The following XKR9 variants were observed in gnomAD, a reference collection of about 807,000 sequenced individuals.
The protein encoded by XKR9 is XK related 9.
In XKR9, 32 loss-of-function variants were observed where a neutral mutation model predicts 32.0. That is an observed-to-expected ratio of 1.00 (90% CI 0.76 to 1.34). XKR9 has a LOEUF of 1.34. Ranked by LOEUF, XKR9 falls within the 40% of genes most tolerant of loss-of-function variation. The probability of loss-of-function intolerance (pLI) is 0.00; values close to 1 mark genes in which losing one functional copy is unlikely to be tolerated. For synonymous variants in XKR9, 168 were observed against 143.4 expected (o/e 1.17, Z -1.22); for missense variants, 546 against 429.7 (o/e 1.27, Z -2.39).
At chr8:70,927,871 C>T in the XKR9 span, among the ~76,000 whole-genome samples, 1 of 152,224 alleles carries the variant, frequency 6.6e-6, no homozygotes, top group Non-Finnish European at 1.5e-5. Context: ...AGGTCATTGA[C>T]GAGTAGGTGC....
At chr8:70,803,057 T>C in the XKR9 span, among the ~76,000 whole-genome samples, 1 of 152,330 alleles carries the variant, frequency 6.6e-6, no homozygotes, top group African/African-American at 2.4e-5. Context: ...TTCAAGTTGC[T>C]TGCTTTCTCT....
chr8:70,909,793 CT>C, the XKR9 span, among the ~76,000 whole-genome samples: 4 of 146,540 alleles, frequency 2.7e-5, no homozygotes, highest in African/African-American at 1.0e-4. Context: ...GCTGCCACCT[CT>C]GCCTCCTGGG....
At chr8:70,829,769 C>G in the XKR9 span, among the ~76,000 whole-genome samples, 565 of 152,220 alleles carry the variant, frequency 3.7e-3, 3 homozygotes, top group Middle Eastern at 0.038. Context: ...TCTAAAAATA[C>G]TTTACCAACT....
At chr8:70,897,836 G>A in the XKR9 span, among the ~76,000 whole-genome samples, 2 of 152,014 alleles carry the variant, frequency 1.3e-5, no homozygotes, top group South Asian at 4.1e-4. Context: ...TTCACTTTGT[G>A]GATTGTTTCC....
the XKR9 span, among the ~76,000 whole-genome samples, chr8:71,018,130 A>G: frequency 6.6e-6 from 1 of 152,344 alleles, no homozygotes; most frequent in East Asian, 1.9e-4. Flanking sequence ...ATCCAGAAGA[A>G]GTAAAGAATA....
chr8:70,806,258 C>T, the XKR9 span, among the ~76,000 whole-genome samples: 1 of 150,468 alleles, frequency 6.6e-6, no homozygotes, highest in Non-Finnish European at 1.5e-5. Context: ...GAAACCCATT[C>T]CAAAGGTCAG....
At chr8:70,704,992 C>T (rs990175725) in intron 3 of XKR9, among the ~76,000 whole-genome samples, 3 of 152,076 alleles carry the variant, frequency 2.0e-5, no homozygotes, top group African/African-American at 7.2e-5. Flanking sequence ...GGGTAGAGAC[C>T]ATGCCTTCAT....
the XKR9 span, among the ~76,000 whole-genome samples, chr8:71,032,299 A>T: frequency 7.9e-5 from 12 of 151,284 alleles, no homozygotes; most frequent in Middle Eastern, 3.4e-3. Flanking sequence ...AAAAAAAAAA[A>T]AAAAAAAAAC....
At chr8:70,857,973 A>G in the XKR9 span, among the ~76,000 whole-genome samples, 3 of 152,198 alleles carry the variant, frequency 2.0e-5, no homozygotes, top group Non-Finnish European at 4.4e-5. Flanking sequence ...TCTCAAAATA[A>G]CAAGAGCTAT....
the XKR9 span, among the ~76,000 whole-genome samples, chr8:70,921,695 T>C: frequency 1.3e-5 from 2 of 152,218 alleles, no homozygotes; most frequent in Non-Finnish European, 1.5e-5. Flanking sequence ...CAAGTTTATA[T>C]CTTATATCTT....
intron 2 of XKR9, among the ~76,000 whole-genome samples, chr8:70,741,881 A>G (rs769189336): frequency 6.6e-6 from 1 of 152,056 alleles, no homozygotes; most frequent in Non-Finnish European, 1.5e-5. Flanking sequence ...CTGTTTCCAT[A>G]ATGGCTGCAC....
chr8:71,061,662 A>G, the XKR9 span, among the ~76,000 whole-genome samples: 1 of 152,170 alleles, frequency 6.6e-6, no homozygotes, highest in African/African-American at 2.4e-5. Flanking sequence ...GAGAGAGAGA[A>G]ATGGCAGAGC....
chr8:70,912,419 T>C, the XKR9 span, among the ~76,000 whole-genome samples: 8 of 151,892 alleles, frequency 5.3e-5, no homozygotes, highest in African/African-American at 1.9e-4. Context: ...CTAGACACAA[T>C]AGGAGCATAA....
the XKR9 span, among the ~76,000 whole-genome samples, chr8:70,811,863 C>T: frequency 6.6e-6 from 1 of 151,836 alleles, no homozygotes; most frequent in Non-Finnish European, 1.5e-5. Flanking sequence ...ACCAGAGGTA[C>T]AAGGAGGAAC....
At chr8:70,771,571 A>G (rs1327730543) in intron 2 of XKR9, among the ~76,000 whole-genome samples, 1 of 152,224 alleles carries the variant, frequency 6.6e-6, no homozygotes, top group Admixed American at 6.5e-5. Flanking sequence ...GCCTGTTAAT[A>G]TACTTCAAAA....
At chr8:70,831,311 T>G in the XKR9 span, among the ~76,000 whole-genome samples, 1 of 144,238 alleles carries the variant, frequency 6.9e-6, no homozygotes, top group Non-Finnish European at 1.5e-5. Flanking sequence ...AAAAAAAAAG[T>G]ACCTAACTTC....
At chr8:71,032,100 C>T in the XKR9 span, among the ~76,000 whole-genome samples, 1 of 152,012 alleles carries the variant, frequency 6.6e-6, no homozygotes, top group Admixed American at 6.6e-5. Flanking sequence ...TCAAGACCAG[C>T]CTGGCCAATG....
In XKR9 at chr8:70,745,784, A is replaced by G. The variant is rs537138020; in HGVS notation, n.352+38631A>G. Among the ~76,000 whole-genome samples, 158 of 152,362 alleles carry G rather than the reference A, an allele frequency of 1.0e-3. 1 individual carries two copies. The highest frequency in any genetic ancestry group is 3.7e-3 in the African/African-American group (155 of 41,586). On this transcript the variant is annotated intron_variant and non_coding_transcript_variant, in intron 2 of 3. Coordinates refer to the XKR9 transcript ENST00000520273. ...GATCAACTATGTATTGCTACAAGCC[A>G]GGAGAACACCAAAGCCAAACATTAA...
the XKR9 span, among the ~76,000 whole-genome samples, chr8:70,851,196 A>G: frequency 1.3e-5 from 2 of 152,198 alleles, no homozygotes; most frequent in African/African-American, 4.8e-5. Flanking sequence ...CTACAAAGAG[A>G]ATAAAATACT....
Sources: gnomAD v4.1 joint callset for allele counts (sites outside exome capture counted in the v4.1 genomes callset) on GRCh38, gnomAD v4.1.1 for gene constraint, MANE v1.5 for transcripts, NCBI Gene and HGNC (gene_info 2026-07-23, HGNC 2026-07-21) for gene names.